The following FGF13 variants were observed in gnomAD, a reference collection of about 807,000 sequenced individuals.
FGF13 encodes the protein fibroblast growth factor 13, also known as fibroblast growth factor homologous factor 2.
A neutral mutation model predicts 19.5 loss-of-function variants in FGF13; 2 were observed. The ratio of observed to expected loss-of-function variants is 0.10; its 90% CI spans 0.04 to 0.32. The LOEUF (loss-of-function observed/expected upper bound fraction) is 0.32, where lower values mean the gene tolerates loss of function less well. FGF13 is among the 10% of genes least tolerant of loss of function. The pLI, the probability that FGF13 is intolerant of heterozygous loss-of-function variation, is 1.00. For missense variants in FGF13, 113 were observed against 192.7 expected, an observed-to-expected ratio of 0.59 and a Z score of 2.45; for synonymous variants, 72 against 76.9, an observed-to-expected ratio of 0.94 and a Z score of 0.33.
At chrX:139,163,264 C>T (rs1217970102) in intron 1 of FGF13, among the ~76,000 whole-genome samples, 2 of 111,042 alleles carry the variant, frequency 1.8e-5, no homozygotes, top group African/African-American at 6.6e-5. Flanking sequence ...AAGCTGGAAA[C>T]CATCATTCTC....
intron 1 of FGF13, among the ~76,000 whole-genome samples, chrX:138,938,299 A>T (rs1191004477): frequency 9.0e-6 from 1 of 111,435 alleles, no homozygotes; most frequent in Non-Finnish European, 1.9e-5. Flanking sequence ...CAATGGAGGG[A>T]TGGCTGAAAT....
chrX:139,178,832 C>G (rs1286414295), intron 1 of FGF13, among the ~76,000 whole-genome samples: 1 of 112,183 alleles, frequency 8.9e-6, no homozygotes, highest in Non-Finnish European at 1.9e-5. Flanking sequence ...CTGTCACAAA[C>G]TGATTCCAGT....
chrX:138,919,263 A>G (rs1308266818), intron 1 of FGF13, among the ~76,000 whole-genome samples: 1 of 111,881 alleles, frequency 8.9e-6, no homozygotes, highest in African/African-American at 3.2e-5. Context: ...AATCAGCAAG[A>G]AAGAGGCCAA....
chrX:138,980,805 T>C (rs915418518), intron 1 of FGF13, among the ~76,000 whole-genome samples: 1 of 110,570 alleles, frequency 9.0e-6, no homozygotes, highest in Non-Finnish European at 1.9e-5. Flanking sequence ...CCCATTCATT[T>C]TGGTGACTTC....
chrX:139,066,680 C>T (rs1393022314), intron 1 of FGF13, among the ~76,000 whole-genome samples: 2 of 111,094 alleles, frequency 1.8e-5, no homozygotes, highest in African/African-American at 3.3e-5. Context: ...GATTCACAGC[C>T]GAATTCTACC....
chrX:138,703,421 A>G (rs2089966328), intron 2 of FGF13, among the ~76,000 whole-genome samples: 1 of 111,977 alleles, frequency 8.9e-6, no homozygotes, highest in Non-Finnish European at 1.9e-5. Context: ...ACAGTGTTGG[A>G]GGTGGGGAAT....
intron 3 of FGF13, among the ~76,000 whole-genome samples, chrX:138,672,367 G>T (rs1344326065): frequency 9.0e-6 from 1 of 111,380 alleles, no homozygotes; most frequent in African/African-American, 3.3e-5. Context: ...GAAGGTAGAA[G>T]TGGAAGTGAT....
chrX:138,635,321 A>G (rs757480224), intron 4 of FGF13, 136 bp downstream of exon 4: 9 of 586,745 alleles, frequency 1.5e-5, no homozygotes, highest in Non-Finnish European at 2.4e-5. Flanking sequence ...TGAGTGCACC[A>G]AAATTTCAGA....
intron 1 of FGF13, among the ~76,000 whole-genome samples, chrX:139,054,877 G>GTGTTGTGTTT (rs2092315724): frequency 1.1e-5 from 1 of 95,048 alleles, no homozygotes; most frequent in African/African-American, 4.3e-5. Flanking sequence ...GTGTTGTGTT[G>GTGTTGTGTTT]TGTTGTGTTG....
At chrX:138,935,682 T>C (rs1396142880) in intron 1 of FGF13, among the ~76,000 whole-genome samples, 2 of 111,758 alleles carry the variant, frequency 1.8e-5, no homozygotes, top group African/African-American at 6.5e-5. Flanking sequence ...TGTATAGTTC[T>C]ATGAGTTTTA....
chrX:138,917,005 G>A (rs908198413), intron 1 of FGF13, among the ~76,000 whole-genome samples: 6 of 111,840 alleles, frequency 5.4e-5, no homozygotes, highest in African/African-American at 1.6e-4. Flanking sequence ...AGTAGAAGAC[G>A]TGAAAGTTTT....
intron 2 of FGF13, among the ~76,000 whole-genome samples, chrX:138,862,714 A>G (rs1447512051): frequency 1.8e-5 from 2 of 112,279 alleles, no homozygotes; most frequent in Non-Finnish European, 3.8e-5. Context: ...TGAAGTTAGC[A>G]GGTTTAAATG....
At chrX:138,960,369 A>T (rs2091863230) in intron 1 of FGF13, among the ~76,000 whole-genome samples, 1 of 111,924 alleles carries the variant, frequency 8.9e-6, no homozygotes, top group Non-Finnish European at 1.9e-5. Flanking sequence ...TTCTGTCTTG[A>T]GAGTTTCTGC....
chrX:138,879,369 G>T (rs2091409865), intron 1 of FGF13, among the ~76,000 whole-genome samples: 1 of 111,005 alleles, frequency 9.0e-6, no homozygotes, highest in South Asian at 3.8e-4. Context: ...TTTTAATTTT[G>T]ATATAATCCA....
intron 1 of FGF13, among the ~76,000 whole-genome samples, chrX:139,200,184 C>T (rs1222713807): frequency 8.9e-6 from 1 of 112,171 alleles, no homozygotes; most frequent in South Asian, 3.7e-4. Flanking sequence ...ATCACTGTTA[C>T]TTCTTAATAA....
At chrX:138,884,298 G>T (rs2091441549) in intron 1 of FGF13, among the ~76,000 whole-genome samples, 1 of 112,096 alleles carries the variant, frequency 8.9e-6, no homozygotes, top group South Asian at 3.7e-4. Context: ...GCCAAAGATG[G>T]GTAGTGGAGA....
chrX:138,766,569 T>C (rs2090503941), intron 3 of FGF13, among the ~76,000 whole-genome samples: 1 of 112,286 alleles, frequency 8.9e-6, no homozygotes, highest in Non-Finnish European at 1.9e-5. Context: ...GGAGCTTAAA[T>C]ATCTTTTTGA....
At chrX:138,869,874 T>C (rs1372127389) in intron 1 of FGF13, among the ~76,000 whole-genome samples, 1 of 112,034 alleles carries the variant, frequency 8.9e-6, no homozygotes, top group Admixed American at 9.5e-5. Context: ...TCAGGGGGGC[T>C]GTCCTTGCAG....
intron 1 of FGF13, among the ~76,000 whole-genome samples, chrX:139,165,084 C>A (rs1324416409): frequency 1.8e-5 from 2 of 111,721 alleles, no homozygotes; most frequent in Non-Finnish European, 3.8e-5. Context: ...ACGTTAAAGT[C>A]CATTCTGACA....
Sources: gnomAD v4.1 joint callset for allele counts (sites outside exome capture counted in the v4.1 genomes callset) on GRCh38, gnomAD v4.1.1 for gene constraint, MANE v1.5 for transcripts, NCBI Gene and HGNC (gene_info 2026-07-23, HGNC 2026-07-21) for gene names.